The following SLCO1A2 variants were observed in gnomAD, a reference collection of about 807,000 sequenced individuals.
The protein encoded by SLCO1A2 is OATP-1.
Under a neutral mutation model 69.0 loss-of-function variants are expected in SLCO1A2, and 67 were observed. The observed-to-expected ratio is 0.97, with a 90% CI of 0.80 to 1.19. The LOEUF is 1.19. Among genes scored for constraint, SLCO1A2 ranks in the 50% most tolerant of loss-of-function variants. The pLI is 0.00. For synonymous variants in SLCO1A2, 260 were observed against 265.9 expected, an observed-to-expected ratio of 0.98 and a Z score of 0.22; for missense variants, 787 against 793.7, an observed-to-expected ratio of 0.99 and a Z score of 0.10.
Position 21,267,961 on chromosome 12 carries a change from C to T in SLCO1A2, c.*1587G>A, listed in dbSNP as rs1247057679. The T allele has an allele frequency of 2.0e-5, 3 of 152,068 alleles. No individual in the cohort carries two copies. Among genetic ancestry groups the T allele is most frequent in the African/African-American group, 7.2e-5 (3 of 41,420 alleles). 9.4% of individuals were successfully genotyped at this position (152,068 alleles called of 1,614,324 possible). ...TCCTCTCTCTTGTTTCAAAGCCAGT[C>T]TTGGTTTGAACCTTGGTTATTTTTT... is the stretch of plus-strand genomic sequence containing the variant. On this transcript the variant is annotated 3_prime_UTR_variant, in exon 15 of 15. Transcript: ENST00000683939.
At position 21,348,983 on chromosome 12, in the gene SLCO1A2, T is replaced by C. The variant is rs191336402; in HGVS notation, c.-62-14274A>G. Among the ~76,000 whole-genome samples the C allele has an allele frequency of 3.0e-4, 45 of 152,262 alleles. No individual in the cohort carries two copies. In the Middle Eastern group the frequency reaches 0.01, roughly 35 times the overall value. On this transcript the variant is annotated intron_variant, in intron 2 of 15. Transcript: ENST00000307378. ...ACAAATGTACTACTCTGGTAGAGTA[T>C]GTTAATGGAGGAGTATATACAGCTG...
At chr12:21,332,249 A>T (rs1024954833) in intron 2 of SLCO1A2, among the ~76,000 whole-genome samples, 2 of 152,166 alleles carry the variant, frequency 1.3e-5, no homozygotes, top group African/African-American at 2.4e-5. Context: ...GAAGGTCAAG[A>T]TAACTCAAAG....
At chr12:21,328,926 G>A (rs1040681892) in intron 2 of SLCO1A2, among the ~76,000 whole-genome samples, 1 of 152,298 alleles carries the variant, frequency 6.6e-6, no homozygotes, top group African/African-American at 2.4e-5. Flanking sequence ...TGCATATGAA[G>A]CATATCAACT....
chr12:21,386,148 T>C (rs368161170), intron 1 of SLCO1A2, among the ~76,000 whole-genome samples: 193 of 152,306 alleles, frequency 1.3e-3, no homozygotes, highest in South Asian at 2.3e-3. Flanking sequence ...AAAGATACTA[T>C]AGTAGGGTCA....
At position 21,292,188 on chromosome 12, in the gene SLCO1A2, A is replaced by G; in HGVS notation, c.1586T>C (p.Ile529Thr). The G allele has an allele frequency of 2.5e-6, 4 of 1,604,288 alleles. No homozygotes were observed. The highest frequency in any genetic ancestry group is 3.4e-6 in the Non-Finnish European group (4 of 1,174,794). The change falls in exon 12 of 15, where the codon ATA (isoleucine) becomes ACA (threonine). Residue 529 changes from isoleucine (I) to threonine (T), a missense_variant. By Grantham distance (89) the Ile-to-Thr change is moderately conservative. Coordinates refer to ENST00000683939, the MANE Select transcript of SLCO1A2 (RefSeq NM_001386879.1). ...CCTCAAGAGAACCATATATCCAGGT[A>G]TGGCAGCCAAAGAATAAATGAAACT... ...MSSFIYSLAA[I>T]PGYMVLLRCM...
intron 3 of SLCO1A2, among the ~76,000 whole-genome samples, chr12:21,317,184 G>A (rs1396015124): frequency 6.6e-6 from 1 of 152,002 alleles, no homozygotes; most frequent in Admixed American, 6.6e-5. Flanking sequence ...CCAATCCTCA[G>A]TGACACTCCC....
chr12:21,317,010 A>G (rs557951681), intron 3 of SLCO1A2, among the ~76,000 whole-genome samples: 37 of 152,360 alleles, frequency 2.4e-4, no homozygotes, highest in African/African-American at 8.7e-4. Flanking sequence ...TACAAATATT[A>G]CTATATAAAA....
intron 12 of SLCO1A2, 128 bp from the exon 13 acceptor site, chr12:21,275,552 T>G: frequency 1.0e-6 from 1 of 977,228 alleles, no homozygotes; most frequent in Non-Finnish European, 1.4e-6. Context: ...CATGCTCACT[T>G]ATTGGTTATT....
intron 2 of SLCO1A2, among the ~76,000 whole-genome samples, chr12:21,350,127 T>C (rs12809856): frequency 0.22 from 33,120 of 152,132 alleles, 4,604 homozygotes; most frequent in East Asian, 0.43. Context: ...AGATCTTTCA[T>C]TCACTGATGA....
chr12:21,413,156 C>T (rs942160788), intron 1 of SLCO1A2, among the ~76,000 whole-genome samples: 2 of 150,472 alleles, frequency 1.3e-5, no homozygotes, highest in South Asian at 2.1e-4. Context: ...ATTATTTGTG[C>T]TATCGTTTTG....
At chr12:21,321,179 C>T (rs1465701477) in intron 2 of SLCO1A2, among the ~76,000 whole-genome samples, 1 of 152,128 alleles carries the variant, frequency 6.6e-6, no homozygotes, top group African/African-American at 2.4e-5. Flanking sequence ...CCTGAAATTC[C>T]CTCCCCCATG....
chr12:21,402,522 A>G (rs1431987218), intron 1 of SLCO1A2, among the ~76,000 whole-genome samples: 3 of 152,126 alleles, frequency 2.0e-5, no homozygotes, highest in Non-Finnish European at 4.4e-5. Context: ...TTTATCACAT[A>G]CAATGGAATG....
intron 9 of SLCO1A2, 104 bp downstream of exon 9, chr12:21,297,299 CA>C: frequency 1.5e-6 from 1 of 650,636 alleles, no homozygotes. Flanking sequence ...CCACCAGAGT[CA>C]AAAAATATCC....
intron 1 of SLCO1A2, among the ~76,000 whole-genome samples, chr12:21,408,715 T>C (rs536887512): frequency 0.28 from 7,436 of 27,006 alleles, 296 homozygotes; most frequent in African/African-American, 0.39. Flanking sequence ...AGCGCATGCG[T>C]GTGTGTGTGT....
At chr12:21,405,586 G>A (rs2110163) in intron 1 of SLCO1A2, among the ~76,000 whole-genome samples, 5,594 of 152,120 alleles carry the variant, frequency 0.037, 139 homozygotes, top group Non-Finnish European at 0.049. Flanking sequence ...CAGACACATC[G>A]ACCAAGGAAC....
At position 21,314,769 on chromosome 12, in the gene SLCO1A2, T is replaced by C. The variant is rs535134409; in HGVS notation, c.203-88A>G. On this transcript the variant is annotated intron_variant, in intron 3 of 14. Coordinates refer to ENST00000683939, the MANE Select transcript of SLCO1A2 (RefSeq NM_001386879.1). ...ACCCAATCATTTACATTCTAGCATTTACTGCATAACAACTATCTTAAATAC... is the reference window on the plus strand; with the variant it reads ...ACCCAATCATTTACATTCTAGCATTCACTGCATAACAACTATCTTAAATAC... 6.3e-6 allele frequency: 6 copies of C among 955,288 alleles called. No homozygotes were observed. The African/African-American group carries it at 8.2e-5, about 13-fold the overall frequency. The allele number at this position is 955,288 out of a possible 1,614,324, so 59.2% of individuals were successfully genotyped here.
At chr12:21,389,979 C>G in intron 1 of SLCO1A2, among the ~76,000 whole-genome samples, 1 of 150,768 alleles carries the variant, frequency 6.6e-6, no homozygotes, top group East Asian at 1.9e-4. Context: ...CTTTTAATGG[C>G]AAAAAGACAC....
chr12:21,374,262 G>A (rs1410491644), intron 2 of SLCO1A2: 3 of 152,276 alleles, frequency 2.0e-5, no homozygotes, highest in African/African-American at 2.4e-5. Context: ...TTATTTAAAG[G>A]GTTATTAAGT....
At chr12:21,322,283 CAA>C (rs1383542566) in intron 2 of SLCO1A2, among the ~76,000 whole-genome samples, 2 of 119,262 alleles carry the variant, frequency 1.7e-5, no homozygotes, top group African/African-American at 8.8e-5. Flanking sequence ...AGACAGTTCT[CAA>C]TCAATTTAGA....
Sources: allele counts gnomAD v4.1 joint callset (sites outside exome capture counted in the v4.1 genomes callset), GRCh38; gene constraint gnomAD v4.1.1; transcripts MANE v1.5; gene names NCBI Gene and HGNC (gene_info 2026-07-23, HGNC 2026-07-21).